The following CLEC12A variants were observed in gnomAD, a reference collection of about 807,000 sequenced individuals.
CLEC12A encodes C-type lectin protein CLL-1.
CLEC12A carries 22 observed loss-of-function variants against 26.5 expected under a neutral mutation model. That is an observed-to-expected ratio of 0.83 (90% confidence interval 0.59 to 1.19). The LOEUF (loss-of-function observed/expected upper bound fraction) is 1.19. Among genes scored for constraint, CLEC12A ranks in the 50% most tolerant of loss-of-function variants. The probability of loss-of-function intolerance (pLI) is 0.00; values close to 1 mark genes in which losing one functional copy is unlikely to be tolerated. For synonymous variants in CLEC12A, 119 were observed against 101.9 expected (o/e 1.17, Z -1.01); for missense variants, 353 against 315.6 (o/e 1.12, Z -0.90).
downstream of CLEC12A, chr12:9,999,292 T>C: frequency 2.2e-6 from 1 of 446,566 alleles, no homozygotes; most frequent in East Asian, 3.2e-5. Context: ...TGCTCAGAGA[T>C]ACATGGACCT....
intron 1 of CLEC12A, among the ~76,000 whole-genome samples, chr12:9,973,350 A>G (rs1313609821): frequency 1.3e-5 from 2 of 152,084 alleles, no homozygotes; most frequent in Non-Finnish European, 1.5e-5. Flanking sequence ...GCTGCTTGGG[A>G]GGCTGAGGAA....
downstream of CLEC12A, chr12:9,998,435 G>A: frequency 7.3e-7 from 1 of 1,365,100 alleles, no homozygotes; most frequent in Non-Finnish European, 1.0e-6. Flanking sequence ...TAGCTATGGG[G>A]AAGGCTCACC....
Position 9,985,142 on chromosome 12 carries a change from T to C in CLEC12A, c.*116T>C. ...GTTTGTCTGAAGACCTGGGATTTTA[T>C]CATGCAGATGAAACATCCAGGTAGC... On this transcript the variant is annotated 3_prime_UTR_variant, in exon 6 of 6. Coordinates refer to ENST00000304361, the MANE Select transcript of CLEC12A (RefSeq NM_138337.6). 1 of 1,161,512 alleles carries C rather than the reference T, an allele frequency of 8.6e-7. No individual in the cohort carries two copies. Among genetic ancestry groups the C allele is most frequent in the Non-Finnish European group, 1.1e-6 (1 of 894,036 alleles). 72.0% of individuals were successfully genotyped at this position (1,161,512 alleles called of 1,614,324 possible). A position where few individuals can be genotyped will look rare whatever the true frequency, so the allele number is the denominator to read the frequency against.
exon 5 of CLEC12A, chr12:9,995,422 A>C (rs1865017715): frequency 6.6e-6 from 4 of 605,316 alleles, no homozygotes; most frequent in South Asian, 6.5e-5. Flanking sequence ...CTGAGAACTT[A>C]AAAAAAACTT....
At chr12:9,962,541 C>T (rs892349381) in intron 1 of CLEC12A, among the ~76,000 whole-genome samples, 7 of 151,716 alleles carry the variant, frequency 4.6e-5, no homozygotes, top group African/African-American at 1.2e-4. Context: ...AGAGAGTCAG[C>T]GAAGGGAGAT....
Position 9,979,540 on chromosome 12 carries a change from C to T in CLEC12A, c.379+16C>T, listed in dbSNP as rs1864470603. 1.3e-6 allele frequency: 2 copies of T among 1,579,700 alleles called. No homozygotes were observed. The highest frequency in any genetic ancestry group is 1.7e-6 in the Non-Finnish European group (2 of 1,158,874). ...AAAGAACAAGGTAATCTTGTATTCT[C>T]TTGGAGTTATTTATTGGACAATAAA... On this transcript the variant is annotated intron_variant, in intron 3 of 5. Coordinates refer to ENST00000304361, the MANE Select transcript of CLEC12A (RefSeq NM_138337.6).
intron 4 of CLEC12A, chr12:9,993,166 T>C: frequency 6.2e-7 from 1 of 1,611,572 alleles, no homozygotes; most frequent in East Asian, 2.2e-5. Context: ...TCCACCTTGG[T>C]CATGCCAGCC....
chr12:9,954,252 G>A (rs967384446), intron 1 of CLEC12A, among the ~76,000 whole-genome samples: 3 of 144,676 alleles, frequency 2.1e-5, no homozygotes, highest in Non-Finnish European at 4.5e-5. Flanking sequence ...TCAGCTGGGC[G>A]CAAGAAACTG....
At chr12:9,968,252 G>A (rs7307062), upstream of CLEC12A, among the ~76,000 whole-genome samples, 7,380 of 152,226 alleles carry the variant, frequency 0.048, 252 homozygotes, top group Non-Finnish European at 0.075. Context: ...CCCCTGATCC[G>A]AGTCACAGCA....
chr12:9,992,476 T>G (rs2137227648), intron 4 of CLEC12A: 1 of 152,234 alleles, frequency 6.6e-6, no homozygotes, highest in South Asian at 2.1e-4. Flanking sequence ...AGCCAGGGTT[T>G]CGGGTTGGTG....
At chr12:9,951,544 T>C in intron 1 of CLEC12A, 1 of 593,214 alleles carries the variant, frequency 1.7e-6, no homozygotes, top group South Asian at 2.0e-5. Context: ...TGAGTGTCAT[T>C]TGTGGGTCCA....
At chr12:9,969,062 G>A (rs537047484), upstream of CLEC12A, among the ~76,000 whole-genome samples, 1 of 152,300 alleles carries the variant, frequency 6.6e-6, no homozygotes, top group South Asian at 2.1e-4. Context: ...TCTCATGGAA[G>A]CAGAGAGTAG....
intron 1 of CLEC12A, among the ~76,000 whole-genome samples, chr12:9,975,034 G>A (rs541113512): frequency 1.4e-4 from 21 of 152,294 alleles, no homozygotes; most frequent in South Asian, 6.2e-4. Flanking sequence ...CTGTGGCCAT[G>A]TGAGATGTGC....
chr12:9,998,317 C>A (rs200670719), downstream of CLEC12A: 259 of 1,614,036 alleles, frequency 1.6e-4, no homozygotes, highest in Middle Eastern at 3.3e-4. Context: ...GACAACCATC[C>A]CCACGCACAG....
At chr12:9,996,127 T>C (rs1243814651), downstream of CLEC12A, among the ~76,000 whole-genome samples, 1 of 152,204 alleles carries the variant, frequency 6.6e-6, no homozygotes, top group Non-Finnish European at 1.5e-5. Context: ...CAAAATGGCA[T>C]TCCACAGGAG....
chr12:9,970,687 G>A (rs1449697892), upstream of CLEC12A, among the ~76,000 whole-genome samples: 1 of 151,784 alleles, frequency 6.6e-6, no homozygotes, highest in Non-Finnish European at 1.5e-5. Flanking sequence ...AGATCAAATG[G>A]TTGAGTCAGT....
At chr12:10,002,394 T>G in the CLEC12A span, among the ~76,000 whole-genome samples, 1 of 89,052 alleles carries the variant, frequency 1.1e-5, no homozygotes, top group Non-Finnish European at 2.6e-5. Context: ...GAGTGTTAGA[T>G]TTTAGCTATG....
chr12:9,962,375 T>A (rs775802329), intron 1 of CLEC12A, among the ~76,000 whole-genome samples: 5 of 152,058 alleles, frequency 3.3e-5, no homozygotes, highest in Non-Finnish European at 7.4e-5. Flanking sequence ...TCTCCAAATT[T>A]TTATCCCTGT....
chr12:10,002,382 C>G, the CLEC12A span, among the ~76,000 whole-genome samples: 1 of 107,762 alleles, frequency 9.3e-6, no homozygotes, highest in African/African-American at 3.4e-5. Flanking sequence ...CTTTATGAAG[C>G]AGAGTGTTAG....
Sources: allele counts gnomAD v4.1 joint callset (sites outside exome capture counted in the v4.1 genomes callset), GRCh38; gene constraint gnomAD v4.1.1; transcripts MANE v1.5; gene names NCBI Gene and HGNC (gene_info 2026-07-23, HGNC 2026-07-21).